Variants in RAB40C observed in about 807,000 individuals in gnomAD.
RAB40C encodes ras-related protein Rab-40C.
A neutral mutation model predicts 28.1 loss-of-function variants in RAB40C; 8 were observed. The ratio of observed to expected loss-of-function variants is 0.28; its 90% CI spans 0.17 to 0.51. RAB40C has a LOEUF of 0.51. RAB40C is among the 20% of genes least tolerant of loss of function. RAB40C has a pLI of 0.97. For missense variants in RAB40C, 288 were observed against 405.9 expected (o/e 0.71, Z 2.50); for synonymous variants, 201 against 171.7 (o/e 1.17, Z -1.34).
Position 625,995 on chromosome 16 carries a change from A to G in RAB40C, c.439A>G (p.Lys147Glu). ...GGAGCAGGCCCGCGCGTACGCAGAGAAGAACTGCATGACCTTCTTTGAGGT... is the reference window on the plus strand; with the variant it reads ...GGAGCAGGCCCGCGCGTACGCAGAGGAGAACTGCATGACCTTCTTTGAGGT... ...PTEQARAYAE[K>E]NCMTFFEVSP... The change falls in exon 5 of 6, where the codon AAG (lysine) becomes GAG (glutamate). Residue 147 changes from lysine to glutamate, a missense_variant. Physicochemically the swap from Lys to Glu is moderately conservative, Grantham distance 56. Around this residue, in one of 3 missense-constraint regions of RAB40C, gnomAD observed 153 missense variants for 262.4 expected, o/e 0.58. Coordinates refer to ENST00000248139, the MANE Select transcript of RAB40C (RefSeq NM_021168.5). The G allele has an allele frequency of 6.2e-7, 1 of 1,613,304 alleles. No homozygotes were observed. The highest frequency in any genetic ancestry group is 8.5e-7 in the Non-Finnish European group (1 of 1,179,996).
intron 1 of RAB40C, among the ~76,000 whole-genome samples, chr16:594,359 T>C (rs554432908): frequency 3.9e-5 from 6 of 152,176 alleles, no homozygotes; most frequent in Non-Finnish European, 8.8e-5. Flanking sequence ...GAGGCGGTTG[T>C]GGACATGGCG....
intron 1 of RAB40C, among the ~76,000 whole-genome samples, chr16:604,986 A>T (rs2036329769): frequency 6.6e-6 from 1 of 152,144 alleles, no homozygotes; most frequent in Admixed American, 6.5e-5. Flanking sequence ...TGAACCCGGG[A>T]GGCGGAGGTT....
intron 1 of RAB40C, among the ~76,000 whole-genome samples, chr16:614,796 C>T (rs1046757493): frequency 1.3e-5 from 2 of 151,856 alleles, no homozygotes; most frequent in East Asian, 1.9e-4. Context: ...AACTCTACCT[C>T]GTCCCGACGG....
chr16:600,439 G>A (rs2036224996), intron 1 of RAB40C, among the ~76,000 whole-genome samples: 1 of 146,832 alleles, frequency 6.8e-6, no homozygotes, highest in Non-Finnish European at 1.5e-5. Flanking sequence ...TTAAAACATT[G>A]TTGTTGGACT....
intron 3 of RAB40C, among the ~76,000 whole-genome samples, chr16:620,978 G>A (rs548888444): frequency 6.6e-6 from 1 of 152,386 alleles, no homozygotes; most frequent in East Asian, 1.9e-4. Flanking sequence ...TTGCCAGGCT[G>A]AGGTCCTGGA....
intron 1 of RAB40C, among the ~76,000 whole-genome samples, chr16:613,553 G>C (rs577115991): frequency 6.6e-6 from 1 of 152,256 alleles, no homozygotes; most frequent in Admixed American, 6.5e-5. Flanking sequence ...ATCGTGGTGC[G>C]GTGGTGGCTT....
At chr16:607,924 G>A (rs970908989) in intron 1 of RAB40C, among the ~76,000 whole-genome samples, 1 of 152,040 alleles carries the variant, frequency 6.6e-6, no homozygotes, top group African/African-American at 2.4e-5. Flanking sequence ...CCCCTCCACT[G>A]CCCGTTTTCA....
chr16:595,209 G>A (rs912481134), intron 1 of RAB40C, among the ~76,000 whole-genome samples: 1 of 152,230 alleles, frequency 6.6e-6, no homozygotes, highest in African/African-American at 2.4e-5. Context: ...AGCGTGTGAT[G>A]AGTGTTGCCT....
intron 1 of RAB40C, among the ~76,000 whole-genome samples, chr16:602,578 G>C (rs1335713016): frequency 2.6e-5 from 4 of 152,034 alleles, no homozygotes; most frequent in Non-Finnish European, 4.4e-5. Flanking sequence ...ACAGGCACCT[G>C]CCACCACGCC....
chr16:606,699 G>A lies in RAB40C; in HGVS notation c.143-10509G>A, dbSNP rs2036366983. On this transcript the variant is annotated intron_variant, in intron 1 of 5. Transcript: ENST00000248139. ...AGCCGAGCCTTTCCCGGCTTCTCCA[G>A]GCCGCCTGCGTTGTTCACGGAGGGC... Among the ~76,000 whole-genome samples the A allele has an allele frequency of 2.6e-5, 4 of 152,348 alleles. No individual in the cohort carries two copies. The South Asian group carries it at 8.3e-4, about 32-fold the overall frequency.
At chr16:597,937 C>CAAAAAAAA (rs57539332) in intron 1 of RAB40C, among the ~76,000 whole-genome samples, 1 of 28,446 alleles carries the variant, frequency 3.5e-5, no homozygotes, top group African/African-American at 1.9e-4. Flanking sequence ...CCCATCTCTA[C>CAAAAAAAA]AAAAAAAAAA....
rs2151079839 is a variant in RAB40C, at chr16:622,790, CA to C, written c.265-2641del. Among the ~76,000 whole-genome samples the C allele has an allele frequency of 2.6e-5, 4 of 152,342 alleles. No individual in the cohort carries two copies. In the South Asian group the frequency reaches 8.3e-4, roughly 32 times the overall value. ...AAGTGCTGGGATCGCAGGCGTGAGCCACGGCGCCTGGCCGAAGTCGCTAGTT... is the reference window on the plus strand; with the variant it reads ...AAGTGCTGGGATCGCAGGCGTGAGCCCGGCGCCTGGCCGAAGTCGCTAGTT... On this transcript the variant is annotated intron_variant, in intron 3 of 5. Transcript: ENST00000248139.
At chr16:590,554 C>T in intron 1 of RAB40C, 121 bp downstream of exon 1, 7 of 1,272,922 alleles carry the variant, frequency 5.5e-6, no homozygotes, top group Non-Finnish European at 7.1e-6. Flanking sequence ...AACGCCTTTG[C>T]CTGGCTTCCA....
chr16:598,628 A>G (rs145033613), intron 1 of RAB40C, among the ~76,000 whole-genome samples: 2 of 151,428 alleles, frequency 1.3e-5, no homozygotes, highest in East Asian at 3.9e-4. Context: ...TGTAGTCCCA[A>G]TTACTTGGGA....
Position 627,754 on chromosome 16 carries a change from A to G in RAB40C, c.*132A>G. 1 of 1,175,278 alleles carries G rather than the reference A, an allele frequency of 8.5e-7. No individual in the cohort carries two copies. Among genetic ancestry groups the G allele is most frequent in the Non-Finnish European group, 1.1e-6 (1 of 870,404 alleles). The allele number at this position is 1,175,278 out of a possible 1,614,324, so 72.8% of individuals were successfully genotyped here. Reference sequence around the variant, plus strand: ...GCCTCAGAAGCGCCGGGCTTTCCTCACACCTGAGCCGGGTGCGAGGAGGAG... The same window carrying G: ...GCCTCAGAAGCGCCGGGCTTTCCTCGCACCTGAGCCGGGTGCGAGGAGGAG... On this transcript the variant is annotated 3_prime_UTR_variant, in exon 6 of 6. Transcript: ENST00000248139.
At chr16:622,972 G>A (rs73485447) in intron 3 of RAB40C, among the ~76,000 whole-genome samples, 2,115 of 152,138 alleles carry the variant, frequency 0.014, 68 homozygotes, top group African/African-American at 0.049. Context: ...TTCTCACTCC[G>A]TGGTCATTTG....
chr16:622,122 G>C (rs2036731367), intron 3 of RAB40C, among the ~76,000 whole-genome samples: 1 of 152,172 alleles, frequency 6.6e-6, no homozygotes, highest in African/African-American at 2.4e-5. Flanking sequence ...TTTGTATTTT[G>C]TGCTTTGTAA....
At chr16:592,478 G>A (rs2036021603) in intron 1 of RAB40C, among the ~76,000 whole-genome samples, 1 of 152,186 alleles carries the variant, frequency 6.6e-6, no homozygotes, top group Non-Finnish European at 1.5e-5. Context: ...TTTGAGGTGG[G>A]GGAAGTGTAA....
At chr16:595,791 T>TG (rs1019217067) in intron 1 of RAB40C, among the ~76,000 whole-genome samples, 1 of 151,948 alleles carries the variant, frequency 6.6e-6, no homozygotes, top group African/African-American at 2.4e-5. Flanking sequence ...GTAGTAGAGA[T>TG]GGGGTTTCAC....
Sources: gnomAD v4.1 joint callset for allele counts (sites outside exome capture counted in the v4.1 genomes callset) on GRCh38, gnomAD v4.1.1 for gene constraint, gnomAD v4.1.1 regional missense constraint, MANE v1.5 for transcripts, NCBI Gene and HGNC (gene_info 2026-07-23, HGNC 2026-07-21) for gene names.